The following DPH7 variants were observed in gnomAD, a reference collection of about 807,000 sequenced individuals.
DPH7 encodes the protein diphthamide biosynthesis 7.
A neutral mutation model predicts 41.7 loss-of-function variants in DPH7; 44 were observed. The ratio of observed to expected loss-of-function variants is 1.05; its 90% CI spans 0.83 to 1.36. The LOEUF is 1.36. Among genes scored for constraint, DPH7 ranks in the 40% most tolerant of loss-of-function variants. The pLI is 0.00. For missense variants in DPH7, 629 were observed against 577.5 expected (o/e 1.09, Z -0.91); for synonymous variants, 275 against 238.0 (o/e 1.16, Z -1.43).
rs1368492054 is a variant in DPH7, at chr9:137,573,303, G to A, written c.640+905C>T. ...GTGAACCTGGGAGGCGGAGCTTGCA[G>A]TGAGCCGAGATCGCGCCACTGCACT... On this transcript the variant is annotated intron_variant, in intron 5 of 8. Transcript: ENST00000277540. Among the ~76,000 whole-genome samples, 3 of 144,694 alleles carry A rather than the reference G, an allele frequency of 2.1e-5. No homozygotes were observed. The East Asian group carries it at 6.1e-4, about 29-fold the overall frequency. 94.9% of individuals were successfully genotyped at this position (144,694 alleles called of 152,430 possible).
chr9:137,560,310 A>G (rs577663505), intron 8 of DPH7, among the ~76,000 whole-genome samples: 1 of 152,276 alleles, frequency 6.6e-6, no homozygotes, highest in South Asian at 2.1e-4. Context: ...ACCAGGATGG[A>G]TGGGAGCACA....
intron 5 of DPH7, among the ~76,000 whole-genome samples, chr9:137,572,900 C>G (rs1387016843): frequency 6.6e-6 from 1 of 152,224 alleles, no homozygotes; most frequent in Non-Finnish European, 1.5e-5. Context: ...CCACAGGTAT[C>G]AGGCAAAAAG....
chr9:137,572,690 T>C (rs944013835), intron 5 of DPH7, among the ~76,000 whole-genome samples: 1 of 152,204 alleles, frequency 6.6e-6, no homozygotes, highest in African/African-American at 2.4e-5. Flanking sequence ...AAAGAGATGC[T>C]AGCCAAAGCT....
chr9:137,558,404 A>T (rs1837894572), intron 8 of DPH7, among the ~76,000 whole-genome samples: 1 of 152,218 alleles, frequency 6.6e-6, no homozygotes, highest in African/African-American at 2.4e-5. Flanking sequence ...CTCTTTAAAA[A>T]AAAAACTAAA....
At chr9:137,563,021 G>A (rs931830138) in intron 8 of DPH7, among the ~76,000 whole-genome samples, 7 of 151,984 alleles carry the variant, frequency 4.6e-5, no homozygotes, top group African/African-American at 1.7e-4. Context: ...GCTTGGCATG[G>A]GGGTCCCAGC....
chr9:137,556,335 T>A lies in DPH7; in HGVS notation c.950-687A>T, dbSNP rs533319805. On this transcript the variant is annotated intron_variant, in intron 8 of 8. Coordinates refer to ENST00000277540, the MANE Select transcript of DPH7 (RefSeq NM_138778.5). The surrounding 1 kb of genome is among the most constrained non-coding windows in gnomAD (Gnocchi z 5.2). ...GGAGTCCAGGAGGCAAGGCCAGGGC[T>A]GGCAGGGGCAGTTGCAGAGAGCAAG... Among the ~76,000 whole-genome samples, 392 of 152,284 alleles carry A rather than the reference T, an allele frequency of 2.6e-3. 2 individuals are homozygous for A. Among genetic ancestry groups the A allele is most frequent in the Non-Finnish European group, 4.6e-3 (313 of 68,012 alleles).
rs539226285 is a variant in DPH7, at chr9:137,574,568, A to G, written c.467+184T>C. The G allele has an allele frequency of 8.9e-4, 740 of 831,182 alleles. 2 individuals are homozygous for G. Among genetic ancestry groups the G allele is most frequent in the Middle Eastern group, 2.2e-3 (6 of 2,672 alleles). The allele number at this position is 831,182 out of a possible 1,614,324, so 51.5% of individuals were successfully genotyped here. A position where few individuals can be genotyped will look rare whatever the true frequency, so the allele number is the denominator to read the frequency against. On this transcript the variant is annotated intron_variant, in intron 4 of 8. Transcript: ENST00000277540. Reference sequence around the variant, plus strand: ...GACACCAGTGTCGACTTCTCTAGGTAAAAACACTATCGCTATGTATCTAAA... The same window carrying G: ...GACACCAGTGTCGACTTCTCTAGGTGAAAACACTATCGCTATGTATCTAAA...
intron 5 of DPH7, among the ~76,000 whole-genome samples, chr9:137,569,054 C>A (rs1839922871): frequency 1.3e-5 from 2 of 152,062 alleles, no homozygotes; most frequent in African/African-American, 4.8e-5. Context: ...GGAGTTGGTG[C>A]ACTGAACCAC....
chr9:137,559,718 C>A (rs1272066695), intron 8 of DPH7, among the ~76,000 whole-genome samples: 1 of 152,240 alleles, frequency 6.6e-6, no homozygotes, highest in African/African-American at 2.4e-5. Flanking sequence ...CAGGGAAGGG[C>A]CCCCTGTCCA....
intron 8 of DPH7, among the ~76,000 whole-genome samples, chr9:137,560,247 G>T (rs80303761): frequency 6.6e-6 from 1 of 152,108 alleles, no homozygotes; most frequent in African/African-American, 2.4e-5. Flanking sequence ...TCTCCTAAGC[G>T]TCTCTCAGGA....
chr9:137,575,849 C>T, intron 3 of DPH7: 2 of 1,353,310 alleles, frequency 1.5e-6, no homozygotes, highest in Non-Finnish European at 1.9e-6. Context: ...CAATGAACAT[C>T]CTGTCACTTC....
At chr9:137,575,879 CAT>C (rs898369534) in intron 3 of DPH7, 199 bp downstream of exon 3, 56 of 1,397,062 alleles carry the variant, frequency 4.0e-5, no homozygotes, top group East Asian at 3.4e-4. Context: ...GCTGGTGACA[CAT>C]GAGGTGACTT....
chr9:137,555,561 CG>C lies in DPH7; in HGVS notation c.1036del (p.Arg346ValfsTer15). 1.2e-6 allele frequency: 2 copies of C among 1,613,862 alleles called. No individual in the cohort carries two copies. The highest frequency in any genetic ancestry group is 1.1e-5 in the South Asian group (1 of 91,078). ...CCACGAGGGGGCCCGCTGCAGAGAA[CG>C]GAAGAGCAGCCAGGACCAGTCGGCT... ...YGADWSWLLF[R>X]SLQRAPSWSF... On this transcript the variant is annotated frameshift_variant, in exon 9 of 9. Transcript: ENST00000277540. LOFTEE classifies it low-confidence loss of function (END_TRUNC).
Position 137,577,902 on chromosome 9 carries a change from C to A in DPH7, c.154-299G>T, listed in dbSNP as rs567039100. ...CTGACTTACGCCTGTTGTTCCAGTG[C>A]CCAATTTGGATCCTAATATGTACCC... On this transcript the variant is annotated intron_variant, in intron 1 of 8. Transcript: ENST00000277540. The A allele has an allele frequency of 4.2e-4, 396 of 936,260 alleles. 1 individual carries two copies. In the African/African-American group the frequency reaches 6.2e-3, roughly 15 times the overall value. 58.0% of individuals were successfully genotyped at this position (936,260 alleles called of 1,614,324 possible). A position where few individuals can be genotyped will look rare whatever the true frequency, so the allele number is the denominator to read the frequency against.
chr9:137,576,759 G>A (rs1009169166), intron 2 of DPH7, among the ~76,000 whole-genome samples: 2 of 152,234 alleles, frequency 1.3e-5, no homozygotes, highest in African/African-American at 4.8e-5. Flanking sequence ...GTGTGGTGGC[G>A]GGCGCCTGTA....
chr9:137,564,558 C>A lies in DPH7; in HGVS notation c.825G>T (p.Pro275=). 6.2e-7 allele frequency: 1 copy of A among 1,614,072 alleles called. No individual in the cohort carries two copies. Among genetic ancestry groups the A allele is most frequent in the Non-Finnish European group, 8.5e-7 (1 of 1,179,920 alleles). ...LLWDTRNMKQ[P]LADTPVQGGV... ...CACCCTGCACAGGCGTATCTGCCAA[C>A]GGCTGCTTCATGTTTCGTGTGTCCC... The change falls in exon 8 of 9, where the codon CCG becomes CCT. Residue 275 remains proline (P), a synonymous_variant. Coordinates refer to ENST00000277540, the MANE Select transcript of DPH7 (RefSeq NM_138778.5).
chr9:137,569,916 C>T (rs1342460125), intron 5 of DPH7, among the ~76,000 whole-genome samples: 1 of 150,446 alleles, frequency 6.6e-6, no homozygotes, highest in Non-Finnish European at 1.5e-5. Context: ...CATCCATCCA[C>T]TCACCCACTA....
At chr9:137,574,634 T>C (rs1213152079) in intron 4 of DPH7, 118 bp downstream of exon 4, 3 of 998,826 alleles carry the variant, frequency 3.0e-6, no homozygotes, top group Non-Finnish European at 1.5e-6. Flanking sequence ...GCAGTGATGA[T>C]GTCAGGGCTG....
intron 8 of DPH7, among the ~76,000 whole-genome samples, chr9:137,563,949 G>A (rs972651664): frequency 7.9e-5 from 12 of 152,188 alleles, no homozygotes; most frequent in African/African-American, 2.4e-4. Context: ...CACGTTCTCC[G>A]GCTCAACCAG....
Sources: allele counts gnomAD v4.1 joint callset (sites outside exome capture counted in the v4.1 genomes callset), GRCh38; gene constraint gnomAD v4.1.1; non-coding constraint Gnocchi (gnomAD v3.1); transcripts MANE v1.5; gene names NCBI Gene and HGNC (gene_info 2026-07-23, HGNC 2026-07-21).